KRT79: variants seen among roughly 807,000 people sequenced by gnomAD.
KRT79 encodes the protein keratin 79.
In KRT79, 51 loss-of-function variants were observed where a neutral mutation model predicts 49.0. The ratio of observed to expected loss-of-function variants is 1.04; its 90% CI spans 0.83 to 1.31. The LOEUF is 1.31. KRT79 is among the 40% of genes most tolerant of loss of function. The pLI, the probability that KRT79 is intolerant of heterozygous loss-of-function variation, is 0.00. For missense variants in KRT79, 728 were observed against 688.0 expected (o/e 1.06, Z -0.65); for synonymous variants, 312 against 286.6 (o/e 1.09, Z -0.90).
chr12:52,829,510 G>C (rs563212164), intron 4 of KRT79, among the ~76,000 whole-genome samples: 16 of 152,192 alleles, frequency 1.1e-4, no homozygotes, highest in Non-Finnish European at 1.5e-4. Context: ...AATAGTTCTT[G>C]CATTCTGGGG....
At chr12:52,823,672 C>T (rs1940133689) in intron 6 of KRT79, among the ~76,000 whole-genome samples, 1 of 152,146 alleles carries the variant, frequency 6.6e-6, no homozygotes, top group Admixed American at 6.5e-5. Flanking sequence ...AGAAGGTTGT[C>T]CCACCTGCTC....
At chr12:52,832,441 C>T (rs961323585) in intron 1 of KRT79, among the ~76,000 whole-genome samples, 25 of 151,446 alleles carry the variant, frequency 1.7e-4, no homozygotes, top group African/African-American at 1.9e-4. Context: ...AGGAGGCTTA[C>T]GGTGTGGGTT....
At chr12:52,826,908 T>G (rs1467863114) in intron 4 of KRT79, among the ~76,000 whole-genome samples, 2 of 152,198 alleles carry the variant, frequency 1.3e-5, no homozygotes, top group Non-Finnish European at 2.9e-5. Context: ...AGAACAATTG[T>G]GCTGATCCTT....
intron 4 of KRT79, among the ~76,000 whole-genome samples, chr12:52,828,385 T>C (rs1940204947): frequency 6.6e-6 from 1 of 152,238 alleles, no homozygotes; most frequent in African/African-American, 2.4e-5. Context: ...CACAGGACTT[T>C]GTTTTAGGCC....
rs1234120788 is a variant in KRT79 at position 52,823,252 on chromosome 12, A to C, written c.1147-16T>G. On this transcript the variant is annotated splice_polypyrimidine_tract_variant and intron_variant, in intron 6 of 8. Coordinates refer to ENST00000330553, the MANE Select transcript of KRT79 (RefSeq NM_175834.3). ...GCTGCTGACACTGCCCAGGGGAGAA[A>C]GGTGTTGGAAGCACCCTCCGGGGTC... 1 of 1,609,724 alleles carries C rather than the reference A, an allele frequency of 6.2e-7. No individual in the cohort carries two copies. Among genetic ancestry groups the C allele is most frequent in the Non-Finnish European group, 8.5e-7 (1 of 1,176,564 alleles).
intron 8 of KRT79, 92 bp downstream of exon 8, chr12:52,822,253 G>T: frequency 1.4e-6 from 2 of 1,398,610 alleles, no homozygotes; most frequent in Middle Eastern, 3.5e-4. Context: ...ATGGAGGAGA[G>T]CATGCTTTAG....
intron 1 of KRT79, among the ~76,000 whole-genome samples, chr12:52,832,122 G>A (rs1592319366): frequency 1.3e-5 from 2 of 152,106 alleles, no homozygotes; most frequent in African/African-American, 2.4e-5. Context: ...AAGACAATTA[G>A]CCAGGTGTAG....
chr12:52,831,136 G>A (rs978103172), intron 2 of KRT79, among the ~76,000 whole-genome samples: 6 of 152,182 alleles, frequency 3.9e-5, no homozygotes, highest in Non-Finnish European at 8.8e-5. Context: ...AACAAGATTG[G>A]TTATGAGTTG....
chr12:52,833,533 G>T (rs979212165), intron 1 of KRT79, among the ~76,000 whole-genome samples: 6 of 152,094 alleles, frequency 3.9e-5, no homozygotes, highest in African/African-American at 1.4e-4. Context: ...TTCAACACGG[G>T]CAAGGTGGAC....
intron 4 of KRT79, among the ~76,000 whole-genome samples, chr12:52,827,230 T>C (rs1940188121): frequency 1.2e-5 from 1 of 83,102 alleles, no homozygotes; most frequent in African/African-American, 6.7e-5. Context: ...GGGTCAGCCA[T>C]GGCGTCCCAT....
intron 4 of KRT79, among the ~76,000 whole-genome samples, chr12:52,829,338 T>C (rs1338397379): frequency 1.3e-5 from 2 of 152,128 alleles, no homozygotes; most frequent in East Asian, 3.9e-4. Flanking sequence ...CCCTCATCCC[T>C]TGCTCCATTA....
intron 1 of KRT79, among the ~76,000 whole-genome samples, chr12:52,831,984 A>G (rs530102329): frequency 1.3e-5 from 2 of 152,318 alleles, no homozygotes; most frequent in Non-Finnish European, 2.9e-5. Context: ...CATTAAAATC[A>G]TCTGTTTAAA....
rs1305357374 is a variant in KRT79 at position 52,822,253 on chromosome 12, GCAT to G, written c.1402+89_1402+91del. 85 of 1,398,498 alleles carry G rather than the reference GCAT, an allele frequency of 6.1e-5. 1 individual carries two copies. Among genetic ancestry groups the G allele is most frequent in the Non-Finnish European group, 1.6e-5 (16 of 1,002,586 alleles). The allele number at this position is 1,398,498 out of a possible 1,614,324, so 86.6% of individuals were successfully genotyped here. On this transcript the variant is annotated intron_variant, in intron 8 of 8. Coordinates refer to ENST00000330553, the MANE Select transcript of KRT79 (RefSeq NM_175834.3). ...TCTCCAGGGGCTCGAATGGAGGAGAGCATGCTTTAGGACAGGTACAGGTTGCAT... is the reference window on the plus strand; with the variant it reads ...TCTCCAGGGGCTCGAATGGAGGAGAGGCTTTAGGACAGGTACAGGTTGCAT...
intron 4 of KRT79, 71 bp downstream of exon 4, chr12:52,829,952 A>G: frequency 7.7e-7 from 1 of 1,292,970 alleles, no homozygotes. Context: ...AATTCAGGTC[A>G]GACCTCCATG....
chr12:52,826,069 A>G (rs1940171014), intron 4 of KRT79, among the ~76,000 whole-genome samples: 1 of 151,914 alleles, frequency 6.6e-6, no homozygotes, highest in South Asian at 2.1e-4. Context: ...ATGAACTGTC[A>G]GCATCATCTT....
chr12:52,831,240 T>A (rs1007669159), intron 2 of KRT79, among the ~76,000 whole-genome samples, 166 bp downstream of exon 2: 3 of 152,224 alleles, frequency 2.0e-5, no homozygotes, highest in African/African-American at 7.2e-5. Context: ...AACCTGCCAA[T>A]TCTCCAGGTG....
In KRT79 at chr12:52,830,089, C is replaced by T; in HGVS notation, c.789G>A (p.Met263Ile). 1 of 1,614,168 alleles carries T rather than the reference C, an allele frequency of 6.2e-7. No individual in the cohort carries two copies. The highest frequency in any genetic ancestry group is 8.5e-7 in the Non-Finnish European group (1 of 1,180,040). ...KDVDAAYMGR[M>I]DLHGKVGTLT... ...AGGTGCCCACTTTGCCATGCAGATC[C>T]ATCCGGCCCATGTATGCTGCATCCA... The change falls in exon 4 of 9, where the codon ATG (methionine) becomes ATA (isoleucine). Residue 263 changes from methionine to isoleucine, a missense_variant. Transcript: ENST00000330553.
In KRT79 at chr12:52,831,877, G is replaced by A. The variant is rs543686777; in HGVS notation, c.478-251C>T. 2.0e-5 allele frequency among the ~76,000 whole-genome samples: 3 copies of A among 152,288 alleles called. No individual in the cohort carries two copies. The South Asian group carries it at 6.2e-4, about 32-fold the overall frequency. ...GCTCAGTAGCAGTACCAATTTACTAGTTGGTAACCTTGGTCGAATCATTTC... is the reference window on the plus strand; with the variant it reads ...GCTCAGTAGCAGTACCAATTTACTAATTGGTAACCTTGGTCGAATCATTTC... On this transcript the variant is annotated intron_variant, in intron 1 of 8. Coordinates refer to ENST00000330553, the MANE Select transcript of KRT79 (RefSeq NM_175834.3).
In KRT79 at chr12:52,833,907, A is replaced by G. The variant is rs145923440; in HGVS notation, c.354T>C (p.Thr118=). ...ACPPGGIQEV[T]VNQSLLTPLH... Reference sequence around the variant, plus strand: ...GGGGGGTCAGCAGGCTCTGGTTGACAGTGACCTCCTGGATCCCCCCAGGAG... The same window carrying G: ...GGGGGGTCAGCAGGCTCTGGTTGACGGTGACCTCCTGGATCCCCCCAGGAG... The change falls in exon 1 of 9, where the codon ACT becomes ACC. Residue 118 remains threonine, a synonymous_variant. Transcript: ENST00000330553. 7 of 1,613,694 alleles carry G rather than the reference A, an allele frequency of 4.3e-6. No homozygotes were observed. Among genetic ancestry groups the G allele is most frequent in the Non-Finnish European group, 5.9e-6 (7 of 1,179,884 alleles).
Sources: gnomAD v4.1 joint callset for allele counts (sites outside exome capture counted in the v4.1 genomes callset) on GRCh38, gnomAD v4.1.1 for gene constraint, MANE v1.5 for transcripts, NCBI Gene and HGNC (gene_info 2026-07-23, HGNC 2026-07-21) for gene names.